TAFA5: variants seen among roughly 807,000 people sequenced by gnomAD.
TAFA5 encodes TAFA chemokine like family member 5, also known as chemokine-like protein TAFA-5.
A neutral mutation model predicts 15.3 loss-of-function variants in TAFA5; 6 were observed. That is an observed-to-expected ratio of 0.39 (90% CI 0.21 to 0.77). TAFA5 has a LOEUF of 0.77. TAFA5 is among the 30% of genes least tolerant of loss of function. TAFA5 has a pLI of 0.41. For synonymous variants in TAFA5, 103 were observed against 80.7 expected (o/e 1.28, Z -1.48); for missense variants, 161 against 193.1 (o/e 0.83, Z 0.98).
intron 2 of TAFA5, among the ~76,000 whole-genome samples, chr22:48,701,648 T>C (rs12166645): frequency 0.23 from 34,312 of 152,198 alleles, 4,089 homozygotes; most frequent in African/African-American, 0.28. Context: ...GGCAAATTGA[T>C]TGGGAGCCTG....
chr22:48,573,039 CG>C (rs1479257679), intron 1 of TAFA5, among the ~76,000 whole-genome samples: 7 of 152,232 alleles, frequency 4.6e-5, no homozygotes, highest in Admixed American at 4.6e-4. Flanking sequence ...GGACTGTCCC[CG>C]GGCAGAAGGC....
At chr22:48,683,729 C>T (rs1210505152) in intron 2 of TAFA5, among the ~76,000 whole-genome samples, 1 of 152,230 alleles carries the variant, frequency 6.6e-6, no homozygotes, top group African/African-American at 2.4e-5. Flanking sequence ...GCTCTGTGTT[C>T]ACACCCAAAT....
chr22:48,718,991 C>T (rs1929487856), intron 3 of TAFA5, among the ~76,000 whole-genome samples: 1 of 152,246 alleles, frequency 6.6e-6, no homozygotes, highest in African/African-American at 2.4e-5. Flanking sequence ...GAGCAATCCT[C>T]TTTGCCCGGC....
intron 1 of TAFA5, among the ~76,000 whole-genome samples, chr22:48,509,109 G>A (rs867661473): frequency 1.1e-4 from 16 of 152,170 alleles, no homozygotes; most frequent in Non-Finnish European, 1.6e-4. Context: ...AATGCCCTCC[G>A]GAGTCATGCC....
chr22:48,723,952 A>G (rs1601699508), intron 3 of TAFA5, among the ~76,000 whole-genome samples: 1 of 152,354 alleles, frequency 6.6e-6, no homozygotes, highest in Non-Finnish European at 1.5e-5. Context: ...ATCCAGCATT[A>G]GAATGAAGTC....
intron 2 of TAFA5, among the ~76,000 whole-genome samples, chr22:48,657,638 C>G (rs149542465): frequency 1.8e-4 from 27 of 152,322 alleles, no homozygotes; most frequent in African/African-American, 5.5e-4. Flanking sequence ...CACAGTACGC[C>G]TCATCCCTGA....
intron 1 of TAFA5, among the ~76,000 whole-genome samples, chr22:48,577,192 A>G (rs1024995958): frequency 5.3e-5 from 8 of 152,330 alleles, no homozygotes; most frequent in Admixed American, 1.3e-4. Context: ...GTCTGGGACT[A>G]TTGAGGCGCC....
chr22:48,739,684 C>T (rs1930125300), intron 3 of TAFA5, among the ~76,000 whole-genome samples: 1 of 152,072 alleles, frequency 6.6e-6, no homozygotes, highest in Non-Finnish European at 1.5e-5. Context: ...TAACAATGAC[C>T]AATAAAGGAT....
At chr22:48,648,458 A>T (rs2147203807) in intron 2 of TAFA5, among the ~76,000 whole-genome samples, 1 of 152,268 alleles carries the variant, frequency 6.6e-6, no homozygotes, top group East Asian at 1.9e-4. Flanking sequence ...GTGCTGGTGA[A>T]GGTCCATGGA....
chr22:48,681,509 G>T (rs1386245107), intron 2 of TAFA5, among the ~76,000 whole-genome samples: 1 of 139,842 alleles, frequency 7.2e-6, no homozygotes, highest in Non-Finnish European at 1.6e-5. Context: ...AAAAAAATTA[G>T]GCGTGGGGGT....
intron 1 of TAFA5, among the ~76,000 whole-genome samples, chr22:48,596,111 C>T (rs1052788310): frequency 4.6e-5 from 7 of 152,200 alleles, no homozygotes; most frequent in South Asian, 2.1e-4. Context: ...TTTCAAAGCT[C>T]GGCTAATCTG....
chr22:48,650,718 G>A (rs973578879), intron 2 of TAFA5, among the ~76,000 whole-genome samples: 4 of 152,040 alleles, frequency 2.6e-5, no homozygotes, highest in South Asian at 2.1e-4. Flanking sequence ...TCCAACTTAC[G>A]GAACCATCAG....
intron 1 of TAFA5, among the ~76,000 whole-genome samples, chr22:48,612,340 G>T (rs1245397705): frequency 6.6e-6 from 1 of 152,224 alleles, no homozygotes; most frequent in Non-Finnish European, 1.5e-5. Flanking sequence ...ATCACGGCAG[G>T]CCACGCGTGT....
intron 1 of TAFA5, among the ~76,000 whole-genome samples, chr22:48,568,503 G>C (rs1923479134): frequency 6.6e-6 from 1 of 152,260 alleles, no homozygotes; most frequent in Admixed American, 6.5e-5. Flanking sequence ...ATCTCTCGGA[G>C]ATCCCCACAA....
rs113537971 is a variant in TAFA5 at position 48,612,752 on chromosome 22, C to A, written c.113-33845C>A. On this transcript the variant is annotated intron_variant, in intron 1 of 3. Coordinates refer to ENST00000402357, the MANE Select transcript of TAFA5 (RefSeq NM_001082967.3). Reference sequence around the variant, plus strand: ...TGAGAAACCCTCCTGGGCAACCCTGCCACCTTCCCATGGGGGTCTCTCCTG... The same window carrying A: ...TGAGAAACCCTCCTGGGCAACCCTGACACCTTCCCATGGGGGTCTCTCCTG... Among the ~76,000 whole-genome samples, 1,297 of 152,328 alleles carry A rather than the reference C, an allele frequency of 8.5e-3. 16 individuals carry two copies. The highest frequency in any genetic ancestry group is 0.028 in the African/African-American group (1,145 of 41,564).
chr22:48,499,764 A>C (rs1292426165), intron 1 of TAFA5, among the ~76,000 whole-genome samples: 1 of 152,166 alleles, frequency 6.6e-6, no homozygotes, highest in Non-Finnish European at 1.5e-5. Context: ...TCCTGTTTCC[A>C]GGGCCGTCTT....
At chr22:48,646,863 G>A (rs1458127911) in intron 2 of TAFA5, 117 bp downstream of exon 2, 1 of 1,297,648 alleles carries the variant, frequency 7.7e-7, no homozygotes, top group Admixed American at 2.5e-5. Context: ...CGCATCCTCG[G>A]GTCAGGCCCC....
At chr22:48,544,575 C>G (rs1447515992) in intron 1 of TAFA5, 1 of 411,612 alleles carries the variant, frequency 2.4e-6, no homozygotes, top group African/African-American at 2.0e-5. Context: ...TCAGCACATG[C>G]CAGCTTCCTC....
At chr22:48,707,933 G>C in intron 3 of TAFA5, 89 bp downstream of exon 3, 1 of 1,512,208 alleles carries the variant, frequency 6.6e-7, no homozygotes, top group East Asian at 2.3e-5. Context: ...CGCGGGGACA[G>C]GTGGCAGCTG....
Sources: gnomAD v4.1 joint callset for allele counts (sites outside exome capture counted in the v4.1 genomes callset) on GRCh38, gnomAD v4.1.1 for gene constraint, MANE v1.5 for transcripts, NCBI Gene and HGNC (gene_info 2026-07-23, HGNC 2026-07-21) for gene names.